TMEM132D: variants seen among roughly 807,000 people sequenced by gnomAD.
TMEM132D encodes mature OL transmembrane protein.
In TMEM132D, 21 loss-of-function variants were observed where a neutral mutation model predicts 62.3. The ratio of observed to expected loss-of-function variants is 0.34; its 90% CI spans 0.24 to 0.49. The LOEUF is 0.49. TMEM132D is among the 20% of genes least tolerant of loss of function. TMEM132D has a pLI of 0.99. For missense variants in TMEM132D, 1,346 were observed against 1,402.8 expected, an observed-to-expected ratio of 0.96 and a Z score of 0.65; for synonymous variants, 621 against 575.6, an observed-to-expected ratio of 1.08 and a Z score of -1.13.
intron 1 of TMEM132D, among the ~76,000 whole-genome samples, chr12:129,777,479 C>T (rs369157060): frequency 2.0e-5 from 3 of 152,312 alleles, no homozygotes; most frequent in East Asian, 1.9e-4. Context: ...TGTACCAGAA[C>T]GGCCACCCAG....
At chr12:129,684,065 A>G (rs1880848445) in intron 2 of TMEM132D, among the ~76,000 whole-genome samples, 1 of 152,206 alleles carries the variant, frequency 6.6e-6, no homozygotes, top group Non-Finnish European at 1.5e-5. Flanking sequence ...GAAGACCATG[A>G]AGAACTTTAG....
In TMEM132D at chr12:129,763,744, G is replaced by A. The variant is rs548359064; in HGVS notation, c.80-63046C>T. 4.7e-4 allele frequency among the ~76,000 whole-genome samples: 7 copies of A among 14,830 alleles called. No individual in the cohort carries two copies. In the Non-Finnish European group the frequency reaches 0.022, roughly 47 times the overall value. 9.7% of individuals were successfully genotyped at this position (14,830 alleles called of 152,430 possible). A position where few individuals can be genotyped will look rare whatever the true frequency, so the allele number is the denominator to read the frequency against. ...TGATGAGTTGCTTTACAGTCACCAT[G>A]GACCCCCAAGGCTGCAGGTCCTGTA... On this transcript the variant is annotated intron_variant, in intron 1 of 8. Coordinates refer to ENST00000422113, the MANE Select transcript of TMEM132D (RefSeq NM_133448.3).
chr12:129,690,598 G>C (rs1275370771), intron 2 of TMEM132D, among the ~76,000 whole-genome samples: 1 of 152,174 alleles, frequency 6.6e-6, no homozygotes, highest in East Asian at 1.9e-4. Context: ...CAGGGATAAA[G>C]AGGAAGCATT....
intron 2 of TMEM132D, among the ~76,000 whole-genome samples, chr12:129,613,779 G>A (rs1463562101): frequency 6.6e-6 from 1 of 151,878 alleles, no homozygotes; most frequent in Non-Finnish European, 1.5e-5. Context: ...GAACCAAGGT[G>A]ACTGTCTCCA....
intron 3 of TMEM132D, among the ~76,000 whole-genome samples, chr12:129,356,008 G>C (rs571544230): frequency 7.9e-5 from 12 of 152,268 alleles, no homozygotes; most frequent in Non-Finnish European, 1.8e-4. Context: ...GATTTCATCT[G>C]AAACTTCATT....
At chr12:129,837,671 C>T (rs1173505659) in intron 1 of TMEM132D, among the ~76,000 whole-genome samples, 1 of 152,176 alleles carries the variant, frequency 6.6e-6, no homozygotes, top group Non-Finnish European at 1.5e-5. Context: ...CTTTCAATGT[C>T]TTCGATCTGC....
chr12:129,217,227 A>C (rs1049301175), intron 4 of TMEM132D, among the ~76,000 whole-genome samples: 1 of 152,230 alleles, frequency 6.6e-6, no homozygotes, highest in African/African-American at 2.4e-5. Context: ...AGCCATAAAA[A>C]AGAACGAGGT....
At chr12:129,659,057 T>C (rs948274843) in intron 2 of TMEM132D, among the ~76,000 whole-genome samples, 3 of 147,546 alleles carry the variant, frequency 2.0e-5, no homozygotes, top group Non-Finnish European at 3.0e-5. Flanking sequence ...CATATAACAA[T>C]ACATGGCTAA....
At chr12:129,691,747 T>A (rs1881066240) in intron 2 of TMEM132D, among the ~76,000 whole-genome samples, 1 of 152,120 alleles carries the variant, frequency 6.6e-6, no homozygotes, top group Admixed American at 6.5e-5. Context: ...AATCTTTCAA[T>A]TTATAATTAA....
intron 3 of TMEM132D, among the ~76,000 whole-genome samples, chr12:129,421,621 C>T (rs1442656627): frequency 1.3e-5 from 2 of 152,226 alleles, no homozygotes; most frequent in Middle Eastern, 3.2e-3. Flanking sequence ...AGATTTTCTA[C>T]TAGCAGCCCT....
chr12:129,158,406 G>A (rs1446423833), intron 5 of TMEM132D, among the ~76,000 whole-genome samples: 7 of 140,560 alleles, frequency 5.0e-5, no homozygotes, highest in Non-Finnish European at 1.1e-4. Context: ...TAATGCATTT[G>A]CTTTTAGACA....
intron 5 of TMEM132D, among the ~76,000 whole-genome samples, chr12:129,156,662 C>T (rs1319374707): frequency 1.3e-5 from 2 of 152,090 alleles, no homozygotes; most frequent in East Asian, 3.9e-4. Flanking sequence ...TCCTGTGATA[C>T]CGAATCCACT....
In TMEM132D at chr12:129,756,126, T is replaced by C. The variant is rs182092979; in HGVS notation, c.80-55428A>G. On this transcript the variant is annotated intron_variant, in intron 1 of 8. Coordinates refer to ENST00000422113, the MANE Select transcript of TMEM132D (RefSeq NM_133448.3). ...AATAGTGGGAGCCAGGGGATAGAGG[T>C]AGTGGAAATGAGACACTGCTGTTCA... Among the ~76,000 whole-genome samples, 217 of 152,204 alleles carry C rather than the reference T, an allele frequency of 1.4e-3. 1 individual carries two copies. The highest frequency in any genetic ancestry group is 4.3e-3 in the African/African-American group (177 of 41,542).
At chr12:129,412,313 T>G (rs1040709588) in intron 3 of TMEM132D, among the ~76,000 whole-genome samples, 1 of 152,258 alleles carries the variant, frequency 6.6e-6, no homozygotes, top group African/African-American at 2.4e-5. Flanking sequence ...TAGCTGTCTA[T>G]GCAAAATCCA....
chr12:129,761,438 G>A (rs901499206), intron 1 of TMEM132D, among the ~76,000 whole-genome samples: 17 of 152,228 alleles, frequency 1.1e-4, no homozygotes, highest in East Asian at 3.9e-4. Context: ...AGTGATACTC[G>A]GGAGTCAGGA....
intron 4 of TMEM132D, among the ~76,000 whole-genome samples, chr12:129,263,108 A>G (rs1183396553): frequency 6.6e-6 from 1 of 152,170 alleles, no homozygotes; most frequent in African/African-American, 2.4e-5. Context: ...TCTAAAGGCC[A>G]GAGCTCCCCT....
At chr12:129,621,053 C>T (rs767124283) in intron 2 of TMEM132D, among the ~76,000 whole-genome samples, 2 of 152,202 alleles carry the variant, frequency 1.3e-5, no homozygotes, top group African/African-American at 2.4e-5. Context: ...TGTCTTCCCA[C>T]GTGGTTCCAA....
chr12:129,820,691 G>A (rs1593175010), intron 1 of TMEM132D, among the ~76,000 whole-genome samples: 1 of 152,178 alleles, frequency 6.6e-6, no homozygotes, highest in African/African-American at 2.4e-5. Flanking sequence ...GTAAAGAAAT[G>A]ATTTATATGC....
At chr12:129,453,736 T>A (rs1593015875) in intron 3 of TMEM132D, among the ~76,000 whole-genome samples, 1 of 152,096 alleles carries the variant, frequency 6.6e-6, no homozygotes, top group Admixed American at 6.5e-5. Flanking sequence ...TCCCTAACAG[T>A]TTTAGAGTTG....
Sources: allele counts gnomAD v4.1 joint callset (sites outside exome capture counted in the v4.1 genomes callset), GRCh38; gene constraint gnomAD v4.1.1; transcripts MANE v1.5; gene names NCBI Gene and HGNC (gene_info 2026-07-23, HGNC 2026-07-21).